THSD4: variants seen among roughly 807,000 people sequenced by gnomAD.
The protein encoded by THSD4 is thrombospondin type 1 domain containing 4.
Under a neutral mutation model 119.0 loss-of-function variants are expected in THSD4, and 69 were observed. The ratio of observed to expected loss-of-function variants is 0.58; its 90% CI spans 0.48 to 0.71. The LOEUF (loss-of-function observed/expected upper bound fraction) is 0.71, where lower values mean the gene tolerates loss of function less well. Among genes scored for constraint, THSD4 ranks in the 30% least tolerant of loss-of-function variants. The probability of loss-of-function intolerance (pLI) is 0.00; values close to 1 mark genes in which losing one functional copy is unlikely to be tolerated. For missense variants in THSD4, 1,393 were observed against 1,391.1 expected, an observed-to-expected ratio of 1.00 and a Z score of -0.02; for synonymous variants, 524 against 540.4, an observed-to-expected ratio of 0.97 and a Z score of 0.42.
intron 6 of THSD4, among the ~76,000 whole-genome samples, chr15:71,321,522 C>T (rs1286252848): frequency 2.0e-5 from 3 of 152,062 alleles, no homozygotes; most frequent in South Asian, 4.1e-4. Context: ...GGCAACAGAG[C>T]GAGATTCCGT....
At chr15:71,272,103 CT>C (rs1384445366) in intron 6 of THSD4, among the ~76,000 whole-genome samples, 1 of 152,040 alleles carries the variant, frequency 6.6e-6, no homozygotes, top group Non-Finnish European at 1.5e-5. Flanking sequence ...GAAAACAACT[CT>C]TAAAAATGGG....
At chr15:71,656,573 A>C (rs1243912417) in intron 7 of THSD4, among the ~76,000 whole-genome samples, 1 of 152,198 alleles carries the variant, frequency 6.6e-6, no homozygotes, top group Non-Finnish European at 1.5e-5. Flanking sequence ...CATGGTAACT[A>C]TGCTTTGAAC....
intron 6 of THSD4, among the ~76,000 whole-genome samples, chr15:71,365,395 A>G (rs1449678589): frequency 1.3e-5 from 2 of 152,090 alleles, no homozygotes; most frequent in Non-Finnish European, 2.9e-5. Flanking sequence ...GCATGACTCC[A>G]GAGTAGGAGC....
At chr15:71,366,521 G>T (rs1248104675) in intron 6 of THSD4, among the ~76,000 whole-genome samples, 1 of 152,114 alleles carries the variant, frequency 6.6e-6, no homozygotes, top group Non-Finnish European at 1.5e-5. Flanking sequence ...CTCCTCCTGG[G>T]AACATTGAAC....
intron 7 of THSD4, among the ~76,000 whole-genome samples, chr15:71,487,087 C>T (rs2047834103): frequency 1.3e-5 from 2 of 152,192 alleles, no homozygotes; most frequent in Non-Finnish European, 2.9e-5. Context: ...CCTTGCAGGG[C>T]TTATTGGGTT....
intron 6 of THSD4, among the ~76,000 whole-genome samples, chr15:71,265,583 G>A (rs952519388): frequency 2.0e-5 from 3 of 151,978 alleles, no homozygotes; most frequent in African/African-American, 2.4e-5. Flanking sequence ...CCCCAGTGGC[G>A]CCTGGAATGC....
intron 15 of THSD4, 126 bp from the exon 16 acceptor site, chr15:71,764,894 C>T: frequency 1.6e-6 from 2 of 1,229,194 alleles, no homozygotes; most frequent in Non-Finnish European, 1.1e-6. Context: ...CCAAGTTCTC[C>T]TGGGTTCTTC....
At position 71,267,751 on chromosome 15, in the gene THSD4, A is replaced by G. The variant is rs2044480099; in HGVS notation, c.1015+11036A>G. ...CTAAGACACACATAGGCTCAAAATA[A>G]AGGGATGGAGGAATATTTACCAAGC... On this transcript the variant is annotated intron_variant, in intron 6 of 17. Coordinates refer to ENST00000261862, the MANE Select transcript of THSD4 (RefSeq NM_024817.3). 2.0e-5 allele frequency among the ~76,000 whole-genome samples: 3 copies of G among 152,202 alleles called. No homozygotes were observed. The South Asian group carries it at 6.2e-4, about 31-fold the overall frequency.
At chr15:71,738,602 G>A (rs4776573) in intron 11 of THSD4, among the ~76,000 whole-genome samples, 97,151 of 152,034 alleles carry the variant, frequency 0.64, 31,989 homozygotes, top group East Asian at 0.8. Flanking sequence ...GATGCCAGGC[G>A]CCAGCTTCCA....
intron 3 of THSD4, among the ~76,000 whole-genome samples, chr15:71,195,788 A>G (rs916755200): frequency 6.6e-6 from 1 of 152,146 alleles, no homozygotes; most frequent in Non-Finnish European, 1.5e-5. Flanking sequence ...TGGGAGTCAT[A>G]ATAATACTGG....
At chr15:71,365,273 A>G (rs1339533071) in intron 6 of THSD4, among the ~76,000 whole-genome samples, 2 of 151,944 alleles carry the variant, frequency 1.3e-5, no homozygotes, top group Admixed American at 6.6e-5. Flanking sequence ...AGGTGAAGCA[A>G]AGAAAGCTGT....
chr15:71,596,682 A>T (rs529752678), intron 7 of THSD4, among the ~76,000 whole-genome samples: 1 of 152,310 alleles, frequency 6.6e-6, no homozygotes, highest in Non-Finnish European at 1.5e-5. Flanking sequence ...TTTAGGCTCA[A>T]TTGGGCCAAA....
chr15:71,485,161 T>G, intron 7 of THSD4, among the ~76,000 whole-genome samples: 1 of 152,290 alleles, frequency 6.6e-6, no homozygotes, highest in East Asian at 1.9e-4. Flanking sequence ...GCTGATGGCT[T>G]TTTCTAGGCC....
intron 1 of THSD4, among the ~76,000 whole-genome samples, chr15:71,134,076 C>G (rs2040527791): frequency 6.6e-6 from 1 of 152,176 alleles, no homozygotes; most frequent in Admixed American, 6.5e-5. Context: ...TCTGGGCAAG[C>G]CAGCCAGTCT....
At chr15:71,765,914 CA>C (rs2053710024) in intron 16 of THSD4, among the ~76,000 whole-genome samples, 1 of 151,898 alleles carries the variant, frequency 6.6e-6, no homozygotes, top group South Asian at 2.1e-4. Flanking sequence ...AGCGCAAAGC[CA>C]AAATTATGCC....
At chr15:71,619,202 C>T (rs1259974603) in intron 7 of THSD4, among the ~76,000 whole-genome samples, 2 of 151,764 alleles carry the variant, frequency 1.3e-5, no homozygotes, top group African/African-American at 4.8e-5. Flanking sequence ...GAACTCCTGA[C>T]CTCAGATGAT....
chr15:71,356,245 G>A (rs1424318074), intron 6 of THSD4, among the ~76,000 whole-genome samples: 1 of 152,146 alleles, frequency 6.6e-6, no homozygotes, highest in African/African-American at 2.4e-5. Context: ...CCACTGAGCT[G>A]ATGGCTACTC....
chr15:71,112,610 T>C (rs549459989), upstream of THSD4, among the ~76,000 whole-genome samples: 2 of 152,356 alleles, frequency 1.3e-5, no homozygotes, highest in East Asian at 3.9e-4. Context: ...ATGCTGTGTA[T>C]AGCTGACACT....
chr15:71,732,193 A>G (rs2052993468), intron 10 of THSD4: 1 of 152,244 alleles, frequency 6.6e-6, no homozygotes, highest in East Asian at 1.9e-4. Flanking sequence ...GTAAGGTAGC[A>G]TGTTCACAGA....
Sources: allele counts gnomAD v4.1 joint callset (sites outside exome capture counted in the v4.1 genomes callset), GRCh38; gene constraint gnomAD v4.1.1; transcripts MANE v1.5; gene names NCBI Gene and HGNC (gene_info 2026-07-23, HGNC 2026-07-21).